Variants in SLC41A2 observed in about 807,000 individuals in gnomAD.
The protein encoded by SLC41A2 is SLC41A1-like 1.
SLC41A2 carries 32 observed loss-of-function variants against 58.3 expected under a neutral mutation model. That is an observed-to-expected ratio of 0.55 (90% CI 0.41 to 0.74). The LOEUF (loss-of-function observed/expected upper bound fraction) is 0.74, where lower values mean the gene tolerates loss of function less well. SLC41A2 is among the 30% of genes least tolerant of loss of function. The pLI, the probability that SLC41A2 is intolerant of heterozygous loss-of-function variation, is 0.00. For synonymous variants in SLC41A2, 190 were observed against 235.0 expected (o/e 0.81, Z 1.75); for missense variants, 514 against 680.6 (o/e 0.76, Z 2.72).
intron 1 of SLC41A2, among the ~76,000 whole-genome samples, chr12:104,935,103 G>GCT (rs2047209937): frequency 6.6e-6 from 1 of 152,082 alleles, no homozygotes; most frequent in Non-Finnish European, 1.5e-5. Flanking sequence ...GATTAGAGGG[G>GCT]CATGCCACCA....
chr12:104,950,249 G>C (rs765428509), intron 1 of SLC41A2, among the ~76,000 whole-genome samples: 2 of 152,096 alleles, frequency 1.3e-5, no homozygotes, highest in African/African-American at 4.8e-5. Flanking sequence ...TAATCTCCAC[G>C]TGTCTAGGAA....
At chr12:104,932,878 T>C (rs1174719795) in intron 1 of SLC41A2, among the ~76,000 whole-genome samples, 1 of 151,934 alleles carries the variant, frequency 6.6e-6, no homozygotes, top group Non-Finnish European at 1.5e-5. Flanking sequence ...ATACAAAAAT[T>C]AACTCCAAAT....
At position 104,944,417 on chromosome 12, in the gene SLC41A2, T is replaced by C. The variant is rs1386441639; in HGVS notation, c.-168+13671A>G. Among the ~76,000 whole-genome samples, 4 of 152,180 alleles carry C rather than the reference T, an allele frequency of 2.6e-5. No individual in the cohort carries two copies. The East Asian group carries it at 7.7e-4, about 29-fold the overall frequency. On this transcript the variant is annotated intron_variant, in intron 1 of 10. Transcript: ENST00000258538. ...CTTCTACCTTCTCCAAACTGCACTT[T>C]CCGTAAATCAGTTCAAGTGCACCAA...
chr12:104,889,165 C>A lies in SLC41A2; in HGVS notation c.748G>T (p.Val250Leu). The change falls in exon 5 of 11, where the codon GTA (valine) becomes TTA (leucine). Residue 250 changes from valine (V) to leucine (L), a missense_variant. Around this residue, in one of 3 missense-constraint regions of SLC41A2, gnomAD observed 336 missense variants for 430.0 expected, o/e 0.78. Transcript: ENST00000258538. ...NLALKQVQAT[V>L]VGFLAAVAAI... ...GCCACAGCTGCTAGAAAACCCACTA[C>A]TGTTGCCTGAACCTAAAATTTTTTT... 6.2e-7 allele frequency: 1 copy of A among 1,605,162 alleles called. No homozygotes were observed.
intron 10 of SLC41A2, among the ~76,000 whole-genome samples, chr12:104,838,192 C>T (rs2136305308): frequency 6.6e-6 from 1 of 152,322 alleles, no homozygotes; most frequent in East Asian, 1.9e-4. Flanking sequence ...TGTATTTCTG[C>T]TCCAAGCATG....
intron 10 of SLC41A2, among the ~76,000 whole-genome samples, chr12:104,815,563 A>G (rs1356847540): frequency 6.6e-6 from 1 of 152,204 alleles, no homozygotes. Flanking sequence ...TAATGCCTCA[A>G]CTGCCAATAA....
At chr12:104,926,782 G>A (rs2046860057) in intron 2 of SLC41A2, among the ~76,000 whole-genome samples, 1 of 152,072 alleles carries the variant, frequency 6.6e-6, no homozygotes, top group African/African-American at 2.4e-5. Flanking sequence ...ATATGAAAAA[G>A]ATCAAGAAGA....
chr12:104,908,874 C>A (rs1363955955), intron 3 of SLC41A2, among the ~76,000 whole-genome samples: 1 of 151,940 alleles, frequency 6.6e-6, no homozygotes, highest in Non-Finnish European at 1.5e-5. Flanking sequence ...CTAGAACAGG[C>A]CCTAAAAAAA....
chr12:104,845,982 A>G lies in SLC41A2; in HGVS notation c.1256-8T>C, dbSNP rs1405637039. ...CCAAATTACCACCAATACCTGAAAC[A>G]CAAGGAAAAACAAAGTAGCAATCCT... On this transcript the variant is annotated splice_region_variant and splice_polypyrimidine_tract_variant and intron_variant, in intron 8 of 10. Coordinates refer to ENST00000258538, the MANE Select transcript of SLC41A2 (RefSeq NM_001352171.3). 1.2e-6 allele frequency: 2 copies of G among 1,609,832 alleles called. No homozygotes were observed. The highest frequency in any genetic ancestry group is 1.7e-4 in the Middle Eastern group (1 of 6,052).
At chr12:104,911,731 T>C (rs1474422965) in intron 2 of SLC41A2, among the ~76,000 whole-genome samples, 2 of 152,136 alleles carry the variant, frequency 1.3e-5, no homozygotes, top group Non-Finnish European at 2.9e-5. Context: ...AGATCAGTCT[T>C]CTGTAAAATC....
At chr12:104,872,259 G>A (rs1267691841) in intron 6 of SLC41A2, among the ~76,000 whole-genome samples, 4 of 152,138 alleles carry the variant, frequency 2.6e-5, no homozygotes, top group Non-Finnish European at 5.9e-5. Flanking sequence ...CTTTAACTTT[G>A]TCCATTAAGC....
intron 10 of SLC41A2, among the ~76,000 whole-genome samples, chr12:104,825,118 G>A (rs1412852782): frequency 2.0e-5 from 3 of 152,170 alleles, no homozygotes; most frequent in Non-Finnish European, 4.4e-5. Context: ...CTGCGGCAAT[G>A]TTACTAAGTA....
intron 6 of SLC41A2, among the ~76,000 whole-genome samples, chr12:104,881,309 T>C (rs1296200200): frequency 6.6e-6 from 1 of 152,182 alleles, no homozygotes; most frequent in Non-Finnish European, 1.5e-5. Context: ...TTTGTGTCTC[T>C]ATCTCCTTCA....
chr12:104,904,317 G>C (rs545029242), intron 3 of SLC41A2, among the ~76,000 whole-genome samples: 1 of 152,128 alleles, frequency 6.6e-6, no homozygotes, highest in South Asian at 2.1e-4. Context: ...GAAACTAAAG[G>C]CACCTTTTAA....
intron 3 of SLC41A2, among the ~76,000 whole-genome samples, chr12:104,902,186 G>C (rs938928223): frequency 6.6e-6 from 1 of 151,424 alleles, no homozygotes; most frequent in African/African-American, 2.4e-5. Flanking sequence ...AAGTTAAAAA[G>C]AGACCATACT....
chr12:104,817,910 C>CT (rs1424110104), intron 10 of SLC41A2, among the ~76,000 whole-genome samples: 1 of 151,926 alleles, frequency 6.6e-6, no homozygotes, highest in African/African-American at 2.4e-5. Flanking sequence ...TATATGTGGT[C>CT]TGTTATTGAC....
chr12:104,814,875 T>TTTAAAAC (rs1199921947), intron 10 of SLC41A2, among the ~76,000 whole-genome samples: 1 of 152,252 alleles, frequency 6.6e-6, no homozygotes, highest in Admixed American at 6.5e-5. Context: ...GTCACTTCTC[T>TTTAAAAC]GATCCCTCAG....
chr12:104,820,361 G>T (rs2041579667), intron 10 of SLC41A2, among the ~76,000 whole-genome samples: 1 of 152,214 alleles, frequency 6.6e-6, no homozygotes, highest in South Asian at 2.1e-4. Flanking sequence ...TACTCAGGAG[G>T]CTGAGGCAAG....
At chr12:104,869,390 C>T (rs1023836265) in intron 6 of SLC41A2, among the ~76,000 whole-genome samples, 2 of 152,042 alleles carry the variant, frequency 1.3e-5, no homozygotes, top group South Asian at 2.1e-4. Context: ...GATATACACA[C>T]GTACATAGAC....
Sources: allele counts gnomAD v4.1 joint callset (sites outside exome capture counted in the v4.1 genomes callset), GRCh38; gene constraint gnomAD v4.1.1; regional missense constraint gnomAD v4.1.1; transcripts MANE v1.5; gene names NCBI Gene and HGNC (gene_info 2026-07-23, HGNC 2026-07-21).